DERL1: variants seen among roughly 807,000 people sequenced by gnomAD.
DERL1 encodes the protein derlin 1.
Under a neutral mutation model 41.6 loss-of-function variants are expected in DERL1, and 24 were observed. That is an observed-to-expected ratio of 0.58 (90% CI 0.42 to 0.81). DERL1 has a LOEUF of 0.81. Ranked by LOEUF, DERL1 falls within the 30% of genes least tolerant of loss-of-function variation. The pLI is 0.00. For missense variants in DERL1, 260 were observed against 314.3 expected (o/e 0.83, Z 1.31); for synonymous variants, 124 against 112.5 (o/e 1.10, Z -0.65).
At chr8:123,034,527 T>A (rs916456228) in intron 1 of DERL1, among the ~76,000 whole-genome samples, 4 of 152,196 alleles carry the variant, frequency 2.6e-5, no homozygotes, top group African/African-American at 9.7e-5. Context: ...AGGAGACGGA[T>A]TTCATAGATG....
chr8:123,033,265 G>A (rs991077437), intron 1 of DERL1, among the ~76,000 whole-genome samples: 1 of 151,856 alleles, frequency 6.6e-6, no homozygotes, highest in Non-Finnish European at 1.5e-5. Context: ...AATTTTCTTG[G>A]TTAGTCTCAA....
In DERL1 at chr8:123,015,600, C is replaced by A; in HGVS notation, c.618-15G>T. The A allele has an allele frequency of 6.2e-7, 1 of 1,604,140 alleles. No homozygotes were observed. The highest frequency in any genetic ancestry group is 8.5e-7 in the Non-Finnish European group (1 of 1,174,818). Reference sequence around the variant, plus strand: ...GCCAGCGGTACCTGGTGCAGAAAGACGGGGACACAAACGGAGAGAAGAGAA... The same window carrying A: ...GCCAGCGGTACCTGGTGCAGAAAGAAGGGGACACAAACGGAGAGAAGAGAA... On this transcript the variant is annotated splice_polypyrimidine_tract_variant and intron_variant, in intron 7 of 7. Coordinates refer to ENST00000259512, the MANE Select transcript of DERL1 (RefSeq NM_024295.6).
At chr8:123,019,159 G>T in intron 7 of DERL1, 36 bp downstream of exon 7, 2 of 1,414,186 alleles carry the variant, frequency 1.4e-6, no homozygotes, top group Non-Finnish European at 2.0e-6. Context: ...AACACAGGCA[G>T]TAAAATGTTA....
At chr8:123,018,997 G>GT (rs1194906027) in intron 7 of DERL1, 198 bp downstream of exon 7, 4 of 597,130 alleles carry the variant, frequency 6.7e-6, no homozygotes, top group Non-Finnish European at 1.2e-5. Context: ...GGCTAAAAGA[G>GT]TAACAGGAAG....
chr8:123,022,598 G>A, intron 5 of DERL1, 86 bp downstream of exon 5: 1 of 1,320,720 alleles, frequency 7.6e-7, no homozygotes, highest in Non-Finnish European at 1.1e-6. Context: ...GACCCCTTCT[G>A]GATGAGTCAG....
intron 6 of DERL1, among the ~76,000 whole-genome samples, chr8:123,019,953 C>T (rs1181186215): frequency 2.0e-5 from 3 of 152,276 alleles, no homozygotes; most frequent in Non-Finnish European, 4.4e-5. Context: ...ACATGATTCC[C>T]GTCAGGGGCA....
intron 1 of DERL1, among the ~76,000 whole-genome samples, chr8:123,031,219 T>C (rs548129176): frequency 1.3e-5 from 2 of 152,242 alleles, no homozygotes; most frequent in South Asian, 4.1e-4. Context: ...AACATTTCCC[T>C]GAAAAAACAA....
At chr8:123,025,414 C>T (rs1379831958) in intron 2 of DERL1, among the ~76,000 whole-genome samples, 1 of 152,248 alleles carries the variant, frequency 6.6e-6, no homozygotes, top group African/African-American at 2.4e-5. Context: ...TCAGCCTTTC[C>T]TTCTTGGCTC....
intron 6 of DERL1, 55 bp from the exon 7 acceptor site, chr8:123,019,360 G>C: frequency 7.2e-6 from 9 of 1,245,906 alleles, no homozygotes; most frequent in Non-Finnish European, 1.1e-5. Context: ...GATGCACCAA[G>C]TTTTAACTAA....
rs894724215 is a variant in DERL1 at position 123,013,327 on chromosome 8, A to C, written c.*2120T>G. 6.6e-6 allele frequency: 1 copy of C among 152,232 alleles called. No individual in the cohort carries two copies. The highest frequency in any genetic ancestry group is 2.4e-5 in the African/African-American group (1 of 41,454). 9.4% of individuals were successfully genotyped at this position (152,232 alleles called of 1,614,324 possible). A position where few individuals can be genotyped will look rare whatever the true frequency, so the allele number is the denominator to read the frequency against. ...AAGAGACAGCAGAGCAGGGACATGG[A>C]AACTTAACACAGACAACCTTCAAGT... On this transcript the variant is annotated 3_prime_UTR_variant, in exon 8 of 8. Transcript: ENST00000259512.
intron 2 of DERL1, among the ~76,000 whole-genome samples, chr8:123,028,258 G>A (rs796567093): frequency 1.6e-4 from 25 of 152,262 alleles, no homozygotes; most frequent in African/African-American, 4.6e-4. Flanking sequence ...GATTGGCTAT[G>A]AGATAACTAT....
chr8:123,017,593 T>G (rs1161874251), intron 7 of DERL1: 2 of 152,242 alleles, frequency 1.3e-5, no homozygotes, highest in Admixed American at 1.3e-4. Context: ...TTTTGTCATC[T>G]GATCTTTATG....
chr8:123,026,464 A>G (rs1449977499), intron 2 of DERL1, among the ~76,000 whole-genome samples: 1 of 152,252 alleles, frequency 6.6e-6, no homozygotes, highest in Non-Finnish European at 1.5e-5. Flanking sequence ...TTCCAGTTCA[A>G]ATCAGAAACC....
intron 6 of DERL1, among the ~76,000 whole-genome samples, chr8:123,020,716 AAG>A (rs1814738659): frequency 6.6e-6 from 1 of 151,122 alleles, no homozygotes; most frequent in South Asian, 2.1e-4. Flanking sequence ...TTAGGAGGCC[AAG>A]GCAGGCAGAT....
In DERL1 at chr8:123,021,504, G is replaced by T; in HGVS notation, c.454-5C>A. 1 of 1,613,450 alleles carries T rather than the reference G, an allele frequency of 6.2e-7. No homozygotes were observed. Among genetic ancestry groups the T allele is most frequent in the Non-Finnish European group, 8.5e-7 (1 of 1,179,464 alleles). Reference sequence around the variant, plus strand: ...AACCCAGGGTAAATAGCAGGCCTAGGATGGAATGAATATATGCAAATGTGA... The same window carrying T: ...AACCCAGGGTAAATAGCAGGCCTAGTATGGAATGAATATATGCAAATGTGA... On this transcript the variant is annotated splice_polypyrimidine_tract_variant and splice_region_variant and intron_variant, in intron 5 of 7. Coordinates refer to ENST00000259512, the MANE Select transcript of DERL1 (RefSeq NM_024295.6).
At chr8:123,038,066 CA>C (rs1017635948) in intron 1 of DERL1, among the ~76,000 whole-genome samples, 2 of 152,162 alleles carry the variant, frequency 1.3e-5, no homozygotes, top group African/African-American at 4.8e-5. Flanking sequence ...ACACCTGTTT[CA>C]ACCTATCCAA....
At position 123,015,535 on chromosome 8, in the gene DERL1, G is replaced by A. The variant is rs771781123; in HGVS notation, c.668C>T (p.Pro223Leu). The A allele has an allele frequency of 8.1e-6, 13 of 1,612,566 alleles. No individual in the cohort carries two copies. The highest frequency in any genetic ancestry group is 1.1e-5 in the Non-Finnish European group (13 of 1,179,400). The change falls in exon 8 of 8, where the codon CCC (proline) becomes CTC (leucine). Residue 223 changes from proline (P) to leucine (L), a missense_variant. Coordinates refer to ENST00000259512, the MANE Select transcript of DERL1 (RefSeq NM_024295.6). The stretch of plus-strand genomic sequence containing the variant: ...AGCAGCTCGCCTCATGCTAGCAGGG[G>A]GCACACCAAATCCTGATACTCCTCC... ...RRGGVSGFGV[P>L]PASMRRAADQ...
intron 7 of DERL1, chr8:123,017,600 T>C (rs1814610590): frequency 6.6e-6 from 1 of 152,206 alleles, no homozygotes; most frequent in Non-Finnish European, 1.5e-5. Flanking sequence ...ATCTGATCTT[T>C]ATGCAAAATT....
At chr8:123,026,046 G>A (rs567770475) in intron 2 of DERL1, among the ~76,000 whole-genome samples, 3 of 151,236 alleles carry the variant, frequency 2.0e-5, no homozygotes, top group South Asian at 2.1e-4. Context: ...TTCCCTCCCC[G>A]TTCCACACCC....
Sources: allele counts gnomAD v4.1 joint callset (sites outside exome capture counted in the v4.1 genomes callset), GRCh38; gene constraint gnomAD v4.1.1; transcripts MANE v1.5; gene names NCBI Gene and HGNC (gene_info 2026-07-23, HGNC 2026-07-21).